The following ASXL3 variants were observed in gnomAD, a reference collection of about 807,000 sequenced individuals.
ASXL3 encodes the protein putative Polycomb group protein ASXL3.
In ASXL3, 34 loss-of-function variants were observed where a neutral mutation model predicts 170.6. That is an observed-to-expected ratio of 0.20 (90% CI 0.15 to 0.27). The LOEUF is 0.27. Among genes scored for constraint, ASXL3 ranks in the 10% least tolerant of loss-of-function variants. ASXL3 has a pLI of 1.00. For missense variants in ASXL3, 2,592 were observed against 2,695.3 expected (o/e 0.96, Z 0.85); for synonymous variants, 1,002 against 989.1 (o/e 1.01, Z -0.24).
At chr18:33,650,925 A>G (rs2065987992) in intron 4 of ASXL3, among the ~76,000 whole-genome samples, 1 of 152,126 alleles carries the variant, frequency 6.6e-6, no homozygotes, top group African/African-American at 2.4e-5. Flanking sequence ...ACACATTTTC[A>G]AACCTAGATA....
chr18:33,723,246 A>G (rs1025658284), intron 8 of ASXL3, among the ~76,000 whole-genome samples: 3 of 152,168 alleles, frequency 2.0e-5, no homozygotes, highest in African/African-American at 7.2e-5. Flanking sequence ...TGCCATAGGT[A>G]GTGATTCCTC....
chr18:33,686,328 TCACTACTAGAAA>T (rs1568327743), intron 8 of ASXL3, among the ~76,000 whole-genome samples: 1 of 152,212 alleles, frequency 6.6e-6, no homozygotes, highest in Non-Finnish European at 1.5e-5. Flanking sequence ...TACTCTGTGC[TCACTACTAGAAA>T]ACAAGTTTAA....
intron 8 of ASXL3, among the ~76,000 whole-genome samples, chr18:33,708,173 T>A (rs2145341140): frequency 6.6e-6 from 1 of 152,292 alleles, no homozygotes; most frequent in East Asian, 1.9e-4. Context: ...GATGCCAAAG[T>A]TTGTGTAAGA....
chr18:33,626,569 C>A (rs1278462945), intron 2 of ASXL3: 1 of 151,876 alleles, frequency 6.6e-6, no homozygotes, highest in East Asian at 1.9e-4. Context: ...TCTGTCCACC[C>A]TGTTTAGAAG....
At chr18:33,611,406 G>A (rs2065335649) in intron 2 of ASXL3, among the ~76,000 whole-genome samples, 1 of 151,944 alleles carries the variant, frequency 6.6e-6, no homozygotes, top group African/African-American at 2.4e-5. Flanking sequence ...GTATAATAGG[G>A]TAGAAGATTT....
chr18:33,744,035 G>A lies in ASXL3; in HGVS notation c.4187G>A (p.Ser1396Asn). 6.2e-7 allele frequency: 1 copy of A among 1,614,052 alleles called. No individual in the cohort carries two copies. Among genetic ancestry groups the A allele is most frequent in the East Asian group, 2.2e-5 (1 of 44,884 alleles). Residue 1396 changes from serine to asparagine, a missense_variant, in exon 12 of 12, where the codon AGC (serine) becomes AAC (asparagine). This residue lies in a region of ASXL3 where 2,246 missense variants were observed against 2,219.6 expected (regional missense o/e 1.01). Coordinates refer to ENST00000269197, the MANE Select transcript of ASXL3 (RefSeq NM_030632.3). ...GGTACCACTGTGAGAGCAGCCCTCA[G>A]CTGCAGTGATTCTGTAGCGGTCACA... ...SMGTTVRAAL[S>N]CSDSVAVTDS...
chr18:33,602,610 G>A (rs1406999210), intron 1 of ASXL3, among the ~76,000 whole-genome samples: 6 of 152,046 alleles, frequency 3.9e-5, no homozygotes, highest in African/African-American at 1.4e-4. Flanking sequence ...CCCCCAGAGA[G>A]GACTTAGCAC....
intron 2 of ASXL3, among the ~76,000 whole-genome samples, chr18:33,630,873 T>C (rs1473805849): frequency 6.6e-6 from 1 of 152,042 alleles, no homozygotes; most frequent in Non-Finnish European, 1.5e-5. Flanking sequence ...TTTTTTACAT[T>C]TTGAAAATAA....
At chr18:33,605,895 C>A (rs2065242724) in intron 1 of ASXL3, among the ~76,000 whole-genome samples, 1 of 151,982 alleles carries the variant, frequency 6.6e-6, no homozygotes, top group African/African-American at 2.4e-5. Flanking sequence ...TGTCTATTGA[C>A]CTCCTGCCCA....
chr18:33,726,183 C>G (rs1380199416), intron 8 of ASXL3, among the ~76,000 whole-genome samples: 2 of 152,096 alleles, frequency 1.3e-5, no homozygotes, highest in African/African-American at 4.8e-5. Flanking sequence ...TCCAAAAATT[C>G]TTGATATCAG....
At chr18:33,593,588 G>A (rs1191204605) in intron 1 of ASXL3, among the ~76,000 whole-genome samples, 1 of 152,112 alleles carries the variant, frequency 6.6e-6, no homozygotes, top group African/African-American at 2.4e-5. Flanking sequence ...TAAACCAGAC[G>A]AGCGACGTTT....
At chr18:33,714,553 G>A (rs987996739) in intron 8 of ASXL3, among the ~76,000 whole-genome samples, 10 of 152,110 alleles carry the variant, frequency 6.6e-5, no homozygotes, top group African/African-American at 2.2e-4. Flanking sequence ...CACATGGTTC[G>A]TTCTAACTCT....
At chr18:33,681,772 T>A (rs981677048) in intron 7 of ASXL3, among the ~76,000 whole-genome samples, 2 of 151,962 alleles carry the variant, frequency 1.3e-5, no homozygotes, top group African/African-American at 4.8e-5. Flanking sequence ...TCTGTGTTTT[T>A]TTTAAAATTC....
At chr18:33,697,680 T>G (rs951380025) in intron 8 of ASXL3, among the ~76,000 whole-genome samples, 2 of 152,006 alleles carry the variant, frequency 1.3e-5, no homozygotes, top group Non-Finnish European at 2.9e-5. Context: ...TTGCCCAACC[T>G]CTGGGCAATT....
In ASXL3 at chr18:33,739,680, C is replaced by T; in HGVS notation, c.2276C>T (p.Ser759Phe). 1 of 1,613,932 alleles carries T rather than the reference C, an allele frequency of 6.2e-7. No homozygotes were observed. Among genetic ancestry groups the T allele is most frequent in the Non-Finnish European group, 8.5e-7 (1 of 1,179,864 alleles). Residue 759 changes from serine to phenylalanine, a missense_variant, in exon 11 of 12, where the codon TCC becomes TTC. Ser to Phe is a radical substitution (Grantham distance 155). Transcript: ENST00000269197. ...PSETSPISNSSINERMAHQQR... is the reference protein window; with the variant it reads ...PSETSPISNSFINERMAHQQR... ...GAAACATCTCCAATTTCCAACTCTT[C>T]CATAAATGAGAGAATGGCACATCAG...
intron 8 of ASXL3, among the ~76,000 whole-genome samples, chr18:33,727,228 C>T (rs759833320): frequency 1.3e-5 from 2 of 152,024 alleles, no homozygotes; most frequent in African/African-American, 4.8e-5. Context: ...ACTCACTGTT[C>T]TCAGCAACTC....
chr18:33,708,532 A>C (rs915969849), intron 8 of ASXL3, among the ~76,000 whole-genome samples: 1 of 152,188 alleles, frequency 6.6e-6, no homozygotes, highest in Non-Finnish European at 1.5e-5. Flanking sequence ...TAAGTACTAT[A>C]TAACACCCTC....
intron 1 of ASXL3, among the ~76,000 whole-genome samples, chr18:33,595,674 T>G (rs2065119531): frequency 1.3e-5 from 2 of 152,230 alleles, no homozygotes; most frequent in Admixed American, 6.5e-5. Context: ...TTTCTGAGCC[T>G]GGCTCACATG....
In ASXL3 at chr18:33,722,617, A is replaced by C. The variant is rs369113510; in HGVS notation, c.880-9351A>C. Among the ~76,000 whole-genome samples the C allele has an allele frequency of 4.5e-4, 69 of 152,286 alleles. 1 individual carries two copies. Among genetic ancestry groups the C allele is most frequent in the African/African-American group, 1.6e-3 (68 of 41,558 alleles). On this transcript the variant is annotated intron_variant, in intron 8 of 11. Transcript: ENST00000269197. Reference sequence around the variant, plus strand: ...AGATTAGCTCATGAGGCTTAAGGAAAGAAGCCATCTCTATAACCTAAAAGT... The same window carrying C: ...AGATTAGCTCATGAGGCTTAAGGAACGAAGCCATCTCTATAACCTAAAAGT...
Sources: gnomAD v4.1 joint callset for allele counts (sites outside exome capture counted in the v4.1 genomes callset) on GRCh38, gnomAD v4.1.1 for gene constraint, gnomAD v4.1.1 regional missense constraint, MANE v1.5 for transcripts, NCBI Gene and HGNC (gene_info 2026-07-23, HGNC 2026-07-21) for gene names.